The following FAM98B variants were observed in gnomAD, a reference collection of about 807,000 sequenced individuals.
FAM98B encodes the protein tRNA splicing ligase complex subunit 3B.
In FAM98B, 32 loss-of-function variants were observed where a neutral mutation model predicts 43.9. The observed-to-expected ratio is 0.73, with a 90% CI of 0.55 to 0.98. FAM98B has a LOEUF of 0.98. Among genes scored for constraint, FAM98B ranks in the 50% least tolerant of loss-of-function variants. The pLI, the probability that FAM98B is intolerant of heterozygous loss-of-function variation, is 0.00. For synonymous variants in FAM98B, 190 were observed against 174.0 expected (o/e 1.09, Z -0.72); for missense variants, 514 against 522.9 (o/e 0.98, Z 0.17).
intron 6 of FAM98B, among the ~76,000 whole-genome samples, chr15:38,475,741 A>G (rs1052973930): frequency 6.6e-6 from 1 of 152,228 alleles, no homozygotes; most frequent in Non-Finnish European, 1.5e-5. Context: ...TGCATCTGTA[A>G]GGTAGCATTC....
chr15:38,465,462 T>C, intron 3 of FAM98B, 59 bp downstream of exon 3: 1 of 1,448,502 alleles, frequency 6.9e-7, no homozygotes, highest in Non-Finnish European at 9.3e-7. Flanking sequence ...TATTTTCAAG[T>C]CAAGATTTAT....
chr15:38,454,927 G>T (rs1190882952), intron 1 of FAM98B, among the ~76,000 whole-genome samples: 1 of 152,152 alleles, frequency 6.6e-6, no homozygotes, highest in Non-Finnish European at 1.5e-5. Context: ...ACTCAGGGTG[G>T]AGGTGGGAGT....
chr15:38,475,236 T>C (rs1890179298), intron 6 of FAM98B, among the ~76,000 whole-genome samples: 1 of 152,108 alleles, frequency 6.6e-6, no homozygotes, highest in East Asian at 1.9e-4. Flanking sequence ...GGCATGAAAC[T>C]GTTCCACCTC....
intron 6 of FAM98B, among the ~76,000 whole-genome samples, chr15:38,476,537 C>T (rs964421165): frequency 1.3e-5 from 2 of 151,558 alleles, no homozygotes; most frequent in African/African-American, 4.9e-5. Flanking sequence ...TTTTCTCTCT[C>T]CTTTTTTAAT....
At chr15:38,476,703 C>CTTTT (rs375386545) in intron 6 of FAM98B, among the ~76,000 whole-genome samples, 1 of 127,838 alleles carries the variant, frequency 7.8e-6, no homozygotes, top group Non-Finnish European at 1.7e-5. Flanking sequence ...AGAAACTTTG[C>CTTTT]TTTTTTTTTT....
Position 38,464,141 on chromosome 15 carries a change from T to C in FAM98B, c.181T>C (p.Ser61Pro), listed in dbSNP as rs1354489234. Reference protein sequence around the residue: ...LCIWLGSQIKSLCNLEESITS... With the variant: ...LCIWLGSQIKPLCNLEESITS... ...TATTTGGTTAGGCTCTCAAATAAAA[T>C]CATTATGCAACTTGGAAGAAAGTAT... The change falls in exon 2 of 8, where the codon TCA becomes CCA. Residue 61 changes from serine (S) to proline (P), a missense_variant. Coordinates refer to ENST00000397609, the MANE Select transcript of FAM98B (RefSeq NM_173611.4). The C allele has an allele frequency of 4.3e-6, 7 of 1,613,152 alleles. No homozygotes were observed. The highest frequency in any genetic ancestry group is 5.9e-6 in the Non-Finnish European group (7 of 1,179,634).
chr15:38,479,992 T>C (rs907866411), intron 6 of FAM98B, among the ~76,000 whole-genome samples: 2 of 152,182 alleles, frequency 1.3e-5, no homozygotes, highest in Non-Finnish European at 2.9e-5. Context: ...TTCCTCTTTT[T>C]AACTTCTATT....
At chr15:38,458,703 A>G (rs1889892515) in intron 1 of FAM98B, 2 of 254,142 alleles carry the variant, frequency 7.9e-6, no homozygotes, top group Non-Finnish European at 7.7e-6. Context: ...AAGGCACAGC[A>G]TAGGAAAGAC....
intron 1 of FAM98B, among the ~76,000 whole-genome samples, chr15:38,460,903 T>C (rs951617463): frequency 3.3e-5 from 5 of 152,208 alleles, no homozygotes; most frequent in Admixed American, 2.6e-4. Flanking sequence ...TGAGACAATT[T>C]ATATAAATTG....
chr15:38,467,487 C>A (rs909638252), intron 3 of FAM98B, among the ~76,000 whole-genome samples: 1 of 152,014 alleles, frequency 6.6e-6, no homozygotes. Flanking sequence ...ATTTTTCACT[C>A]AAAAAATCAT....
chr15:38,472,652 C>T (rs1285122985), intron 4 of FAM98B, among the ~76,000 whole-genome samples: 1 of 151,990 alleles, frequency 6.6e-6, no homozygotes, highest in African/African-American at 2.4e-5. Context: ...CTCAACTGTG[C>T]CCATTTACAG....
At chr15:38,470,903 G>T (rs1415807896) in intron 4 of FAM98B, among the ~76,000 whole-genome samples, 1 of 151,728 alleles carries the variant, frequency 6.6e-6, no homozygotes, top group Non-Finnish European at 1.5e-5. Flanking sequence ...TACCCTGATG[G>T]GGGTAGTTAA....
intron 6 of FAM98B, among the ~76,000 whole-genome samples, chr15:38,477,915 C>T (rs1046744591): frequency 1.3e-5 from 2 of 152,158 alleles, no homozygotes; most frequent in African/African-American, 2.4e-5. Flanking sequence ...GAATAGAGTT[C>T]AGATGTGTGG....
At position 38,484,569 on chromosome 15, in the gene FAM98B, C is replaced by A; in HGVS notation, c.1212C>A (p.Gly404=). Residue 404 remains glycine, a synonymous_variant, in exon 8 of 8, where the codon GGC becomes GGA. Coordinates refer to ENST00000397609, the MANE Select transcript of FAM98B (RefSeq NM_173611.4). ...GGRGGYGGRG[G]YGGRGYGDPY... ...GAGGGGGTTATGGTGGAAGAGGGGGCTATGGTGGAAGAGGCTATGGAGATC... is the reference window on the plus strand; with the variant it reads ...GAGGGGGTTATGGTGGAAGAGGGGGATATGGTGGAAGAGGCTATGGAGATC... The A allele has an allele frequency of 8.2e-7, 1 of 1,225,328 alleles. No individual in the cohort carries two copies. Among genetic ancestry groups the A allele is most frequent in the Admixed American group, 6.0e-5 (1 of 16,668 alleles). The allele number at this position is 1,225,328 out of a possible 1,614,324, so 75.9% of individuals were successfully genotyped here. A position where few individuals can be genotyped will look rare whatever the true frequency, so the allele number is the denominator to read the frequency against.
At chr15:38,461,433 T>G (rs991715353) in intron 1 of FAM98B, among the ~76,000 whole-genome samples, 1 of 152,186 alleles carries the variant, frequency 6.6e-6, no homozygotes, top group African/African-American at 2.4e-5. Flanking sequence ...CCTATGTTAA[T>G]GATGGAGCAT....
intron 7 of FAM98B, chr15:38,482,573 G>T (rs780470062): frequency 3.3e-5 from 5 of 152,184 alleles, no homozygotes; most frequent in Non-Finnish European, 7.3e-5. Context: ...TTAAAAGAAT[G>T]TTGCATACTT....
At position 38,460,675 on chromosome 15, in the gene FAM98B, C is replaced by T. The variant is rs74679367; in HGVS notation, c.72-3357C>T. On this transcript the variant is annotated intron_variant, in intron 1 of 7. Coordinates refer to ENST00000397609, the MANE Select transcript of FAM98B (RefSeq NM_173611.4). The stretch of plus-strand genomic sequence containing the variant: ...AGAATATACTTAGACACTTCTATTG[C>T]CTAAGACAATTAGATACATTTCTGG... 3.5e-3 allele frequency among the ~76,000 whole-genome samples: 539 copies of T among 152,248 alleles called. 3 individuals carry two copies. Among genetic ancestry groups the T allele is most frequent in the African/African-American group, 0.012 (513 of 41,522 alleles).
chr15:38,478,162 G>A (rs547531017), intron 6 of FAM98B, among the ~76,000 whole-genome samples: 1 of 152,310 alleles, frequency 6.6e-6, no homozygotes, highest in East Asian at 1.9e-4. Context: ...AACATTCAGT[G>A]ACATAGATTC....
At position 38,484,479 on chromosome 15, in the gene FAM98B, A is replaced by T. The variant is rs934687811; in HGVS notation, c.1122A>T (p.Gly374=). ...GGGGAGGTGGTGGGGGAGGGGGAGGAGGGTGGGGGGGAGGAGGAGGAGGTG... is the reference window on the plus strand; with the variant it reads ...GGGGAGGTGGTGGGGGAGGGGGAGGTGGGTGGGGGGGAGGAGGAGGAGGTG... ...GGWGGGGGGG[G]GWGGGGGGGR... is the part of the protein sequence containing the mutation. The change falls in exon 8 of 8, where the codon GGA becomes GGT. Residue 374 remains glycine, a synonymous_variant. Transcript: ENST00000397609. The T allele has an allele frequency of 4.9e-6, 1 of 204,008 alleles. No individual in the cohort carries two copies. The highest frequency in any genetic ancestry group is 5.7e-6 in the Non-Finnish European group (1 of 175,066). 12.6% of individuals were successfully genotyped at this position (204,008 alleles called of 1,614,324 possible).
Sources: allele counts gnomAD v4.1 joint callset (sites outside exome capture counted in the v4.1 genomes callset), GRCh38; gene constraint gnomAD v4.1.1; transcripts MANE v1.5; gene names NCBI Gene and HGNC (gene_info 2026-07-23, HGNC 2026-07-21).